CLVS1: variants seen among roughly 807,000 people sequenced by gnomAD.
CLVS1 encodes the protein clavesin 1, also known as clavesin-1.
In CLVS1, 10 loss-of-function variants were observed where a neutral mutation model predicts 33.1. The ratio of observed to expected loss-of-function variants is 0.30; its 90% CI spans 0.19 to 0.51. The LOEUF is 0.51. CLVS1 is among the 20% of genes least tolerant of loss of function. The probability of loss-of-function intolerance (pLI) is 0.97; values close to 1 mark genes in which losing one functional copy is unlikely to be tolerated. For missense variants in CLVS1, 343 were observed against 433.4 expected (o/e 0.79, Z 1.85); for synonymous variants, 163 against 166.1 (o/e 0.98, Z 0.14).
At chr8:61,085,905 G>A (rs967597267) in intron 1 of CLVS1, among the ~76,000 whole-genome samples, 26 of 151,536 alleles carry the variant, frequency 1.7e-4, no homozygotes, top group African/African-American at 5.6e-4. Context: ...GCGCGTTGGC[G>A]GGCGCCTGTA....
chr8:60,987,654 A>G, the CLVS1 span, among the ~76,000 whole-genome samples: 1 of 152,200 alleles, frequency 6.6e-6, no homozygotes, highest in African/African-American at 2.4e-5. Context: ...CAGGGATGTT[A>G]TGAGGGTTAA....
At chr8:61,273,565 C>A (rs998772163) in intron 2 of CLVS1, among the ~76,000 whole-genome samples, 1 of 152,252 alleles carries the variant, frequency 6.6e-6, no homozygotes, top group African/African-American at 2.4e-5. Context: ...CAAGCCCGGG[C>A]AATGGCGGGC....
chr8:61,296,659 A>G (rs1284661385), intron 1 of CLVS1, among the ~76,000 whole-genome samples: 1 of 152,196 alleles, frequency 6.6e-6, no homozygotes, highest in Non-Finnish European at 1.5e-5. Flanking sequence ...ACAACATCTC[A>G]TTTAAGGATA....
chr8:61,380,604 C>A (rs1813833474), intron 3 of CLVS1, among the ~76,000 whole-genome samples: 1 of 152,104 alleles, frequency 6.6e-6, no homozygotes, highest in African/African-American at 2.4e-5. Context: ...TCCTGCTGGG[C>A]TGTTTGATCT....
intron 2 of CLVS1, among the ~76,000 whole-genome samples, chr8:61,229,209 C>G (rs1317135044): frequency 6.6e-6 from 1 of 152,228 alleles, no homozygotes; most frequent in Admixed American, 6.5e-5. Context: ...TTTGTCTCAT[C>G]TACTCACTCA....
rs1357254509 is a variant in CLVS1 at position 61,306,785 on chromosome 8, C to T, written c.455+6503C>T. Among the ~76,000 whole-genome samples, 4 of 152,202 alleles carry T rather than the reference C, an allele frequency of 2.6e-5. No individual in the cohort carries two copies. In the East Asian group the frequency reaches 7.7e-4, roughly 29 times the overall value. On this transcript the variant is annotated intron_variant, in intron 2 of 5. Coordinates refer to ENST00000325897, the MANE Select transcript of CLVS1 (RefSeq NM_173519.3). ...CCTCCAACAATGTATGAGGGTTCCC[C>T]TTTCTCCATATCTTTGTCAGCATCT...
intron 2 of CLVS1, among the ~76,000 whole-genome samples, chr8:61,250,384 T>G (rs1405804428): frequency 1.3e-5 from 2 of 152,218 alleles, no homozygotes; most frequent in Non-Finnish European, 2.9e-5. Context: ...TGGCTTAGGA[T>G]TATCTTGGCA....
intron 2 of CLVS1, among the ~76,000 whole-genome samples, chr8:61,189,261 T>A (rs1331250348): frequency 6.6e-6 from 1 of 152,142 alleles, no homozygotes; most frequent in African/African-American, 2.4e-5. Flanking sequence ...GAATTTCATA[T>A]CCAGCCAAAC....
At chr8:61,121,781 T>C (rs530097134) in intron 1 of CLVS1, among the ~76,000 whole-genome samples, 2 of 152,020 alleles carry the variant, frequency 1.3e-5, no homozygotes, top group African/African-American at 4.8e-5. Context: ...CAGACATTAA[T>C]GCAGTTGGAT....
chr8:61,377,026 T>C, intron 3 of CLVS1: 1 of 405,196 alleles, frequency 2.5e-6, no homozygotes, highest in Non-Finnish European at 4.4e-6. Context: ...CAATAATGAA[T>C]AAAGCTCCAA....
intron 2 of CLVS1, among the ~76,000 whole-genome samples, chr8:61,272,133 G>T (rs911048831): frequency 7.3e-5 from 11 of 151,528 alleles, no homozygotes; most frequent in South Asian, 2.1e-4. Context: ...GGCTGGTACT[G>T]GTTGTTCCTT....
the CLVS1 span, among the ~76,000 whole-genome samples, chr8:60,987,629 T>A: frequency 6.6e-6 from 1 of 152,168 alleles, no homozygotes; most frequent in South Asian, 2.1e-4. Flanking sequence ...ATGAAAAAAA[T>A]GTATCCTTAC....
chr8:61,486,026 A>G (rs1803867735), intron 5 of CLVS1, among the ~76,000 whole-genome samples: 2 of 152,148 alleles, frequency 1.3e-5, no homozygotes, highest in South Asian at 2.1e-4. Context: ...CTGCATACCA[A>G]CATGGCACAT....
intron 1 of CLVS1, among the ~76,000 whole-genome samples, chr8:61,296,329 G>T (rs1200607745): frequency 6.6e-6 from 1 of 152,174 alleles, no homozygotes; most frequent in Non-Finnish European, 1.5e-5. Context: ...TAGATTGGAG[G>T]CATAGCTATA....
chr8:61,220,857 C>A (rs375162971), intron 2 of CLVS1, among the ~76,000 whole-genome samples: 46 of 152,148 alleles, frequency 3.0e-4, no homozygotes, highest in African/African-American at 9.4e-4. Flanking sequence ...TTGTAGTTCT[C>A]CTTGAAGAAG....
At chr8:61,392,985 G>A (rs1007718125) in intron 3 of CLVS1, among the ~76,000 whole-genome samples, 35 of 152,020 alleles carry the variant, frequency 2.3e-4, no homozygotes, top group Non-Finnish European at 3.7e-4. Flanking sequence ...CTGGGTTCAA[G>A]CGATTCTCCT....
intron 1 of CLVS1, among the ~76,000 whole-genome samples, chr8:61,103,923 C>T (rs1805491928): frequency 6.6e-6 from 1 of 152,168 alleles, no homozygotes; most frequent in African/African-American, 2.4e-5. Flanking sequence ...TATCATCCCT[C>T]ATCTGGAAGC....
At chr8:61,378,508 T>C (rs1813737623) in intron 3 of CLVS1, 1 of 152,236 alleles carries the variant, frequency 6.6e-6, no homozygotes, top group Non-Finnish European at 1.5e-5. Context: ...GGGCCTTCAG[T>C]TGTCACACGC....
In CLVS1 at chr8:61,224,779, G is replaced by A. The variant is rs781385052; in HGVS notation, c.-151-74898G>A. Among the ~76,000 whole-genome samples the A allele has an allele frequency of 3.9e-5, 6 of 152,074 alleles. No individual in the cohort carries two copies. In the East Asian group the frequency reaches 5.8e-4, roughly 15 times the overall value. ...GGCATTACATAATGGTAAAGGAATC[G>A]ATTCAACAGAAAGAGCTAACTATCC... On this transcript the variant is annotated intron_variant, in intron 2 of 2. Transcript: ENST00000522621.
Sources: gnomAD v4.1 joint callset for allele counts (sites outside exome capture counted in the v4.1 genomes callset) on GRCh38, gnomAD v4.1.1 for gene constraint, MANE v1.5 for transcripts, NCBI Gene and HGNC (gene_info 2026-07-23, HGNC 2026-07-21) for gene names.